The following RELN variants were observed in gnomAD, a reference collection of about 807,000 sequenced individuals.
RELN encodes the protein reelin.
Under a neutral mutation model 427.6 loss-of-function variants are expected in RELN, and 108 were observed. The ratio of observed to expected loss-of-function variants is 0.25; its 90% confidence interval spans 0.22 to 0.30. The LOEUF (loss-of-function observed/expected upper bound fraction) is 0.30. Ranked by LOEUF, RELN falls within the 10% of genes least tolerant of loss-of-function variation. The probability of loss-of-function intolerance (pLI) is 1.00; values close to 1 mark genes in which losing one functional copy is unlikely to be tolerated. For synonymous variants in RELN, 1,524 were observed against 1,513.4 expected (o/e 1.01, Z -0.16); for missense variants, 3,715 against 4,302.8 (o/e 0.86, Z 3.82).
At chr7:103,643,179 C>G (rs990158572) in intron 16 of RELN, among the ~76,000 whole-genome samples, 1 of 151,894 alleles carries the variant, frequency 6.6e-6, no homozygotes. Flanking sequence ...CAACATTAAA[C>G]AAGGGTGTGC....
At position 103,522,182 on chromosome 7, in the gene RELN, C is replaced by T. The variant is rs1466355162; in HGVS notation, c.7508G>A (p.Gly2503Asp). 1 of 1,613,798 alleles carries T rather than the reference C, an allele frequency of 6.2e-7. No homozygotes were observed. The highest frequency in any genetic ancestry group is 1.3e-5 in the African/African-American group (1 of 74,864). The part of the protein sequence containing the change: ...QGNCVCDEQW[G>D]GLYCDDPETS... The stretch of plus-strand genomic sequence containing the variant: ...CTCGGGGTCATCACAGTACAGGCCA[C>T]CCCACTGTTCATCACAGCTGGGTGC... The change falls in exon 48 of 65, where the codon GGT becomes GAT. Residue 2503 changes from glycine to aspartate, a missense_variant. Transcript: ENST00000428762.
intron 20 of RELN, among the ~76,000 whole-genome samples, chr7:103,621,876 T>C (rs1832226428): frequency 6.6e-6 from 1 of 152,050 alleles, no homozygotes; most frequent in African/African-American, 2.4e-5. Flanking sequence ...ATAAGCCATG[T>C]GTGGTGGCAG....
At position 103,839,303 on chromosome 7, in the gene RELN, CTTTT is replaced by C. The variant is rs34244913; in HGVS notation, c.338-5635_338-5632del. Among the ~76,000 whole-genome samples the C allele has an allele frequency of 1.1e-3, 133 of 121,194 alleles. 1 individual carries two copies. Among genetic ancestry groups the C allele is most frequent in the African/African-American group, 3.8e-3 (124 of 32,472 alleles). The allele number at this position is 121,194 out of a possible 152,430, so 79.5% of individuals were successfully genotyped here. A position where few individuals can be genotyped will look rare whatever the true frequency, so the allele number is the denominator to read the frequency against. ...CACTATGACTATACAGTGGTCTTTG[CTTTT>C]TTTTTTTTTTTTTTTAACATAGAAC... On this transcript the variant is annotated intron_variant, in intron 2 of 64. Coordinates refer to ENST00000428762, the MANE Select transcript of RELN (RefSeq NM_005045.4).
chr7:103,937,115 G>T (rs142827930), intron 1 of RELN, among the ~76,000 whole-genome samples: 2 of 152,146 alleles, frequency 1.3e-5, no homozygotes, highest in African/African-American at 4.8e-5. Context: ...ATTTGCTTTT[G>T]TAAGTGATGG....
chr7:103,645,155 A>G (rs1832773529), intron 16 of RELN, among the ~76,000 whole-genome samples: 1 of 151,776 alleles, frequency 6.6e-6, no homozygotes, highest in Non-Finnish European at 1.5e-5. Context: ...AAAGATCAAT[A>G]CTCACCATCC....
chr7:103,492,116 T>G lies in RELN; in HGVS notation c.9370-90A>C, dbSNP rs941383363. 53 of 988,184 alleles carry G rather than the reference T, an allele frequency of 5.4e-5. No homozygotes were observed. In the Admixed American group the frequency reaches 1.0e-3, roughly 19 times the overall value. The allele number at this position is 988,184 out of a possible 1,614,324, so 61.2% of individuals were successfully genotyped here. A position where few individuals can be genotyped will look rare whatever the true frequency, so the allele number is the denominator to read the frequency against. On this transcript the variant is annotated intron_variant, in intron 57 of 64. Coordinates refer to ENST00000428762, the MANE Select transcript of RELN (RefSeq NM_005045.4). The stretch of plus-strand genomic sequence containing the variant: ...AATCCCATCCGTCCATTTATTACTC[T>G]GATAGGTAATATTCAGAGAAGCTTT...
At chr7:103,655,514 C>G (rs1247250055) in intron 12 of RELN, among the ~76,000 whole-genome samples, 1 of 152,010 alleles carries the variant, frequency 6.6e-6, no homozygotes, top group Non-Finnish European at 1.5e-5. Context: ...TGAGACTTAG[C>G]ATTTGATATT....
chr7:103,927,164 C>A (rs1795763145), intron 1 of RELN, among the ~76,000 whole-genome samples: 1 of 152,036 alleles, frequency 6.6e-6, no homozygotes, highest in South Asian at 2.1e-4. Context: ...TATGATCAGA[C>A]CCTGTGGGTG....
At chr7:103,617,508 A>G (rs1432481064) in intron 20 of RELN, among the ~76,000 whole-genome samples, 3 of 150,526 alleles carry the variant, frequency 2.0e-5, no homozygotes, top group Non-Finnish European at 2.9e-5. Flanking sequence ...ATCTATATAT[A>G]TGTGTGTGTG....
intron 2 of RELN, among the ~76,000 whole-genome samples, chr7:103,882,951 C>A (rs538400042): frequency 6.6e-6 from 1 of 152,120 alleles, no homozygotes; most frequent in Non-Finnish European, 1.5e-5. Context: ...CCAGCATCAT[C>A]GTGATACCAA....
At chr7:103,791,683 C>A (rs1792164780) in intron 3 of RELN, among the ~76,000 whole-genome samples, 2 of 151,704 alleles carry the variant, frequency 1.3e-5, no homozygotes, top group African/African-American at 4.8e-5. Context: ...GCAGCAGTTT[C>A]TTAAATATAA....
intron 3 of RELN, among the ~76,000 whole-genome samples, chr7:103,822,398 T>A (rs1267594942): frequency 2.0e-5 from 3 of 151,972 alleles, no homozygotes; most frequent in Non-Finnish European, 4.4e-5. Context: ...TAACTGCAAA[T>A]CAAAAATTCA....
chr7:103,651,670 T>A lies in RELN; in HGVS notation c.1883A>T (p.Asn628Ile), dbSNP rs1328965570. 1 of 1,611,552 alleles carries A rather than the reference T, an allele frequency of 6.2e-7. No homozygotes were observed. Residue 628 changes from asparagine to isoleucine, a missense_variant, in exon 15 of 65, where the codon AAC (asparagine) becomes ATC (isoleucine). Physicochemically the swap from Asn to Ile is moderately radical, Grantham distance 149. This residue lies in a region of RELN where 2,208 missense variants were observed against 2,361.7 expected (regional missense o/e 0.93). Coordinates refer to ENST00000428762, the MANE Select transcript of RELN (RefSeq NM_005045.4). ...GAGAGAATGTACTCACCCACTGTAG[T>A]TTTCAGAGGAGTAGACAGTGCTGTG... ...LPHSTVYSSENYSGWNRITIP... is the reference protein window; with the variant it reads ...LPHSTVYSSEIYSGWNRITIP...
intron 28 of RELN, among the ~76,000 whole-genome samples, chr7:103,576,551 A>G (rs1213660195): frequency 6.6e-6 from 1 of 152,176 alleles, no homozygotes; most frequent in East Asian, 1.9e-4. Context: ...TCACCCTTCT[A>G]TCACACTCAG....
Position 103,892,006 on chromosome 7 carries a change from G to A in RELN, c.337+25069C>T, listed in dbSNP as rs75563507. Among the ~76,000 whole-genome samples, 597 of 152,192 alleles carry A rather than the reference G, an allele frequency of 3.9e-3. 20 individuals are homozygous for A. In the East Asian group the frequency reaches 0.071, roughly 18 times the overall value. The stretch of plus-strand genomic sequence containing the variant: ...AGAGGCACAGAATGGAATTATTGCT[G>A]GGAAGCAACTGTCCCATCTAGAACT... On this transcript the variant is annotated intron_variant, in intron 2 of 64. Transcript: ENST00000428762.
chr7:103,574,610 A>G (rs1830957209), intron 29 of RELN, among the ~76,000 whole-genome samples: 2 of 152,196 alleles, frequency 1.3e-5, no homozygotes, highest in African/African-American at 4.8e-5. Flanking sequence ...TTCATCCACA[A>G]TAAAACTTGC....
At chr7:103,769,529 C>G (rs1270301319) in intron 4 of RELN, among the ~76,000 whole-genome samples, 1 of 152,126 alleles carries the variant, frequency 6.6e-6, no homozygotes, top group Admixed American at 6.6e-5. Context: ...ATTACCGAGT[C>G]TGTGGCACTC....
Position 103,603,412 on chromosome 7 carries a change from G to C in RELN, c.3225C>G (p.Asn1075Lys), listed in dbSNP as rs1175314818. 6.2e-7 allele frequency: 1 copy of C among 1,613,804 alleles called. No homozygotes were observed. Among genetic ancestry groups the C allele is most frequent in the South Asian group, 1.1e-5 (1 of 91,076 alleles). Residue 1075 changes from asparagine to lysine, a missense_variant, in exon 24 of 65, where the codon AAC (asparagine) becomes AAG (lysine). This residue lies in a region of RELN where 2,208 missense variants were observed against 2,361.7 expected (regional missense o/e 0.93). Coordinates refer to ENST00000428762, the MANE Select transcript of RELN (RefSeq NM_005045.4). The surrounding 1 kb of genome is among the most constrained non-coding windows in gnomAD (Gnocchi z 4.3). ...LPSTIMSDFE[N>K]QNGWESDWQE... ...GCCAGTCAGACTCCCAGCCATTCTGGTTCTCAAAATCTGACATAATTGTGG... is the reference window on the plus strand; with the variant it reads ...GCCAGTCAGACTCCCAGCCATTCTGCTTCTCAAAATCTGACATAATTGTGG...
At chr7:103,493,549 C>T (rs1033112498) in intron 57 of RELN, among the ~76,000 whole-genome samples, 1 of 152,094 alleles carries the variant, frequency 6.6e-6, no homozygotes, top group Non-Finnish European at 1.5e-5. Context: ...ATTTGCTCTT[C>T]AAGATATGAT....
Sources: gnomAD v4.1 joint callset for allele counts (sites outside exome capture counted in the v4.1 genomes callset) on GRCh38, gnomAD v4.1.1 for gene constraint, gnomAD v4.1.1 regional missense constraint, Gnocchi (gnomAD v3.1) non-coding constraint, MANE v1.5 for transcripts, NCBI Gene and HGNC (gene_info 2026-07-23, HGNC 2026-07-21) for gene names.